The following PCDH15 variants were observed in gnomAD, a reference collection of about 807,000 sequenced individuals.
PCDH15 encodes protocadherin related 15.
PCDH15 carries 129 observed loss-of-function variants against 178.5 expected under a neutral mutation model. That is an observed-to-expected ratio of 0.72 (90% CI 0.63 to 0.84). PCDH15 has a LOEUF of 0.84. PCDH15 is among the 40% of genes least tolerant of loss of function. The pLI is 0.00. For synonymous variants in PCDH15, 800 were observed against 732.0 expected, an observed-to-expected ratio of 1.09 and a Z score of -1.50; for missense variants, 2,230 against 2,099.9, an observed-to-expected ratio of 1.06 and a Z score of -1.21.
chr10:54,152,376 A>C (rs2044624923), intron 14 of PCDH15, among the ~76,000 whole-genome samples: 2 of 152,096 alleles, frequency 1.3e-5, no homozygotes, highest in African/African-American at 4.8e-5. Flanking sequence ...ACAGTTTTAT[A>C]CTTATTAAGG....
intron 16 of PCDH15, 47 bp from the exon 17 acceptor site, chr10:54,079,471 T>A (rs1024025375): frequency 6.5e-7 from 1 of 1,536,312 alleles, no homozygotes; most frequent in African/African-American, 1.4e-5. Context: ...AGATATTATG[T>A]CACAAGGAGA....
chr10:53,855,772 G>C (rs1445620415), intron 28 of PCDH15, among the ~76,000 whole-genome samples: 3 of 151,418 alleles, frequency 2.0e-5, no homozygotes, highest in Middle Eastern at 3.4e-3. Context: ...ACCTAATGCA[G>C]GCAGAGCTTA....
chr10:55,323,541 C>G (rs972240547), upstream of PCDH15, among the ~76,000 whole-genome samples: 2 of 152,176 alleles, frequency 1.3e-5, no homozygotes, highest in African/African-American at 4.8e-5. Flanking sequence ...GGATGTGAGA[C>G]ATGGAGTCAA....
chr10:53,937,033 A>C (rs2085641596), intron 25 of PCDH15, among the ~76,000 whole-genome samples: 1 of 152,170 alleles, frequency 6.6e-6, no homozygotes, highest in African/African-American at 2.4e-5. Context: ...TCAAAGAATC[A>C]GGCAGTAAAT....
chr10:54,424,911 T>G, intron 3 of PCDH15, among the ~76,000 whole-genome samples: 1 of 146,698 alleles, frequency 6.8e-6, no homozygotes, highest in East Asian at 2.1e-4. Flanking sequence ...CTAATGTAAA[T>G]GATGAGTTAA....
intron 7 of PCDH15, among the ~76,000 whole-genome samples, chr10:54,321,314 C>T (rs2133746244): frequency 6.7e-6 from 1 of 150,174 alleles, no homozygotes; most frequent in Non-Finnish European, 1.5e-5. Flanking sequence ...TAGGTATGTG[C>T]CTGGCTTTAA....
At chr10:54,188,893 T>C (rs1403496052) in intron 11 of PCDH15, among the ~76,000 whole-genome samples, 1 of 151,892 alleles carries the variant, frequency 6.6e-6, no homozygotes, top group Non-Finnish European at 1.5e-5. Flanking sequence ...AGCATACATA[T>C]AAATGACAAA....
intron 14 of PCDH15, among the ~76,000 whole-genome samples, chr10:54,137,646 G>A (rs972842749): frequency 6.6e-6 from 1 of 152,068 alleles, no homozygotes; most frequent in African/African-American, 2.4e-5. Flanking sequence ...CCTAGTTCCT[G>A]TTTTCTTACA....
Position 54,908,453 on chromosome 10 carries a change from T to A in PCDH15, c.-79-10953A>T, listed in dbSNP as rs904431081. Among the ~76,000 whole-genome samples the A allele has an allele frequency of 3.3e-5, 5 of 152,114 alleles. 1 individual carries two copies. Among genetic ancestry groups the A allele is most frequent in the Non-Finnish European group, 5.9e-5 (4 of 68,018 alleles). ...TAAATAGGCTGTCACAGCCCTGGCC[T>A]GGGGAGCTTCTAGGTCTGGGGCCCC... On this transcript the variant is annotated intron_variant, in intron 2 of 5. Transcript: ENST00000458638.
At chr10:54,902,015 T>G (rs2131826283) in intron 2 of PCDH15, among the ~76,000 whole-genome samples, 1 of 152,156 alleles carries the variant, frequency 6.6e-6, no homozygotes, top group Non-Finnish European at 1.5e-5. Context: ...GATTTTTTTT[T>G]GCAATGTTAC....
intron 2 of PCDH15, among the ~76,000 whole-genome samples, chr10:54,956,713 T>C (rs965728354): frequency 6.6e-6 from 1 of 151,664 alleles, no homozygotes; most frequent in Non-Finnish European, 1.5e-5. Flanking sequence ...TATTTAGTAG[T>C]AATACTTAAC....
At chr10:55,404,909 A>C (rs528966810) in intron 2 of PCDH15, among the ~76,000 whole-genome samples, 3 of 152,068 alleles carry the variant, frequency 2.0e-5, no homozygotes. Context: ...ATATCATCAA[A>C]TATATCTGAA....
At chr10:54,667,028 TATATGC>T (rs1184885283) in intron 1 of PCDH15, among the ~76,000 whole-genome samples, 1 of 151,992 alleles carries the variant, frequency 6.6e-6, no homozygotes, top group Non-Finnish European at 1.5e-5. Flanking sequence ...TTTAGAGGAT[TATATGC>T]ATATTTCTGA....
chr10:54,189,114 T>A (rs2048735945), intron 11 of PCDH15, among the ~76,000 whole-genome samples: 1 of 152,036 alleles, frequency 6.6e-6, no homozygotes, highest in Non-Finnish European at 1.5e-5. Context: ...TAAATTTGGA[T>A]TTTACAAAAT....
intron 1 of PCDH15, among the ~76,000 whole-genome samples, chr10:55,194,725 T>C (rs532881594): frequency 6.6e-6 from 1 of 151,792 alleles, no homozygotes; most frequent in Non-Finnish European, 1.5e-5. Flanking sequence ...ACCAAATAAC[T>C]AGACATATAC....
At chr10:55,247,197 T>C (rs1841698857) in intron 1 of PCDH15, among the ~76,000 whole-genome samples, 1 of 152,198 alleles carries the variant, frequency 6.6e-6, no homozygotes, top group Admixed American at 6.5e-5. Flanking sequence ...ATGTATTCTT[T>C]AGTTTAGATT....
chr10:54,019,644 T>C (rs371454889), intron 20 of PCDH15, among the ~76,000 whole-genome samples: 32 of 152,238 alleles, frequency 2.1e-4, no homozygotes, highest in African/African-American at 7.2e-4. Context: ...TGGCACATGG[T>C]ATTATAATAA....
intron 15 of PCDH15, among the ~76,000 whole-genome samples, chr10:54,111,870 TAGTCCCAGCA>T (rs1205805265): frequency 6.6e-6 from 1 of 151,150 alleles, no homozygotes; most frequent in African/African-American, 2.4e-5. Flanking sequence ...CTCACGCCTG[TAGTCCCAGCA>T]GTTTGGGAGG....
rs143230354 is a variant in PCDH15, at chr10:55,254,133, G to C, written c.-156+65466C>G. 9.5e-3 allele frequency among the ~76,000 whole-genome samples: 1,443 copies of C among 152,244 alleles called. 19 individuals are homozygous for C. Among genetic ancestry groups the C allele is most frequent in the South Asian group, 0.026 (127 of 4,828 alleles). On this transcript the variant is annotated intron_variant, in intron 1 of 5. Transcript: ENST00000458638. The stretch of plus-strand genomic sequence containing the variant: ...TATAACATATGATAGCAATTTATAA[G>C]TTTGATGCATATTGATGTAACTTAA...
Sources: gnomAD v4.1 joint callset for allele counts (sites outside exome capture counted in the v4.1 genomes callset) on GRCh38, gnomAD v4.1.1 for gene constraint, MANE v1.5 for transcripts, NCBI Gene and HGNC (gene_info 2026-07-23, HGNC 2026-07-21) for gene names.